CFAP299: variants seen among roughly 807,000 people sequenced by gnomAD.
CFAP299 encodes the protein cilia and flagella associated protein 299.
CFAP299 carries 21 observed loss-of-function variants against 27.0 expected under a neutral mutation model. That is an observed-to-expected ratio of 0.78 (90% CI 0.55 to 1.12). CFAP299 has a LOEUF of 1.12. Ranked by LOEUF, CFAP299 falls within the 50% of genes most tolerant of loss-of-function variation. The pLI, the probability that CFAP299 is intolerant of heterozygous loss-of-function variation, is 0.00. For missense variants in CFAP299, 310 were observed against 276.6 expected (o/e 1.12, Z -0.86); for synonymous variants, 104 against 98.1 (o/e 1.06, Z -0.36).
At chr4:80,809,790 T>C (rs981163991) in intron 3 of CFAP299, among the ~76,000 whole-genome samples, 2 of 152,098 alleles carry the variant, frequency 1.3e-5, no homozygotes, top group Non-Finnish European at 2.9e-5. Flanking sequence ...GTTTCCCCAC[T>C]TTCTCTTCTA....
chr4:80,910,769 T>C (rs767294269), intron 4 of CFAP299, among the ~76,000 whole-genome samples: 2 of 151,968 alleles, frequency 1.3e-5, no homozygotes, highest in Non-Finnish European at 2.9e-5. Context: ...CATTTACCTA[T>C]ATACCAAACC....
At chr4:80,367,042 C>G (rs1330454900) in intron 2 of CFAP299, among the ~76,000 whole-genome samples, 2 of 152,016 alleles carry the variant, frequency 1.3e-5, no homozygotes, top group Non-Finnish European at 1.5e-5. Flanking sequence ...TTTCCAAGGA[C>G]TGGATGGAAG....
chr4:80,888,359 G>T (rs1180614573), intron 4 of CFAP299, among the ~76,000 whole-genome samples: 2 of 151,948 alleles, frequency 1.3e-5, no homozygotes. Flanking sequence ...GAACAAAATA[G>T]ATTTCAAGAA....
At chr4:80,766,643 C>T (rs1725879543) in intron 3 of CFAP299, among the ~76,000 whole-genome samples, 1 of 152,118 alleles carries the variant, frequency 6.6e-6, no homozygotes, top group South Asian at 2.1e-4. Flanking sequence ...CTTTTGACTC[C>T]ACTTCCTTTG....
chr4:80,751,352 G>C (rs1724918458), intron 3 of CFAP299, among the ~76,000 whole-genome samples: 1 of 152,154 alleles, frequency 6.6e-6, no homozygotes, highest in African/African-American at 2.4e-5. Context: ...GGTAGAGCTG[G>C]TGTGCTATGT....
chr4:80,926,031 C>A (rs1216855434), intron 4 of CFAP299, among the ~76,000 whole-genome samples: 1 of 151,980 alleles, frequency 6.6e-6, no homozygotes, highest in Non-Finnish European at 1.5e-5. Context: ...TGTAGTTTCC[C>A]ATGGGAAGTA....
chr4:80,590,045 A>G (rs1438326108), intron 3 of CFAP299, among the ~76,000 whole-genome samples: 1 of 152,212 alleles, frequency 6.6e-6, no homozygotes, highest in East Asian at 1.9e-4. Flanking sequence ...CTGAATGTTC[A>G]TAAACATAAG....
At chr4:80,476,399 G>A (rs1041521345) in intron 2 of CFAP299, among the ~76,000 whole-genome samples, 1 of 152,156 alleles carries the variant, frequency 6.6e-6, no homozygotes, top group Non-Finnish European at 1.5e-5. Context: ...AGTAGTGGCT[G>A]CAGTGGGGAG....
intron 3 of CFAP299, among the ~76,000 whole-genome samples, chr4:80,735,000 A>AT (rs2110058866): frequency 6.6e-6 from 1 of 152,250 alleles, no homozygotes; most frequent in South Asian, 2.1e-4. Context: ...TGTCACTGGT[A>AT]TTTTGATACA....
At chr4:80,759,747 A>C (rs1438931140) in intron 3 of CFAP299, among the ~76,000 whole-genome samples, 3 of 152,192 alleles carry the variant, frequency 2.0e-5, no homozygotes, top group Non-Finnish European at 4.4e-5. Flanking sequence ...ACAGAGACTT[A>C]ATAAAAATAG....
At chr4:80,963,317 A>G (rs1738436206) in intron 5 of CFAP299, among the ~76,000 whole-genome samples, 200 bp from the exon 6 acceptor site, 1 of 152,042 alleles carries the variant, frequency 6.6e-6, no homozygotes, top group South Asian at 2.1e-4. Context: ...ATCACAACCC[A>G]ATCATAATTC....
chr4:80,618,269 G>T (rs1738399983), intron 3 of CFAP299, among the ~76,000 whole-genome samples: 1 of 152,076 alleles, frequency 6.6e-6, no homozygotes, highest in Non-Finnish European at 1.5e-5. Flanking sequence ...AAGAGATACA[G>T]TATAAAGGCA....
intron 4 of CFAP299, among the ~76,000 whole-genome samples, chr4:80,921,723 G>A (rs1736056482): frequency 2.0e-5 from 3 of 152,006 alleles, no homozygotes; most frequent in Admixed American, 1.3e-4. Context: ...TGGAGGCTGT[G>A]CAGAAGTCAG....
At chr4:80,506,025 A>ATAT (rs201836362) in intron 2 of CFAP299, among the ~76,000 whole-genome samples, 4 of 150,328 alleles carry the variant, frequency 2.7e-5, no homozygotes, top group Admixed American at 6.6e-5. Flanking sequence ...TATATATATA[A>ATAT]AAATAATAAC....
chr4:80,847,258 C>T (rs1272820151), intron 3 of CFAP299, among the ~76,000 whole-genome samples: 1 of 152,152 alleles, frequency 6.6e-6, no homozygotes, highest in Non-Finnish European at 1.5e-5. Flanking sequence ...AGGCTCTGGC[C>T]CCAGTGGGAT....
At chr4:80,800,561 A>AT (rs1203085763) in intron 3 of CFAP299, among the ~76,000 whole-genome samples, 1 of 72,808 alleles carries the variant, frequency 1.4e-5, no homozygotes, top group Non-Finnish European at 2.3e-5. Context: ...AATATATTAT[A>AT]TAATATATTA....
intron 2 of CFAP299, among the ~76,000 whole-genome samples, chr4:80,541,041 C>T (rs1560614966): frequency 6.6e-6 from 1 of 152,078 alleles, no homozygotes; most frequent in Non-Finnish European, 1.5e-5. Context: ...TAAAACCTTG[C>T]TACAAAAAGA....
chr4:80,802,565 C>T (rs1490251541), intron 3 of CFAP299, among the ~76,000 whole-genome samples: 1 of 151,974 alleles, frequency 6.6e-6, no homozygotes, highest in African/African-American at 2.4e-5. Flanking sequence ...TTCTTTCTGC[C>T]ATCAAAAAGT....
At chr4:80,492,665 A>T (rs1731197445) in intron 2 of CFAP299, among the ~76,000 whole-genome samples, 1 of 152,200 alleles carries the variant, frequency 6.6e-6, no homozygotes, top group Non-Finnish European at 1.5e-5. Context: ...TACAGGTTTT[A>T]TTATTATTAA....
Sources: allele counts gnomAD v4.1 joint callset (sites outside exome capture counted in the v4.1 genomes callset), GRCh38; gene constraint gnomAD v4.1.1; transcripts MANE v1.5; gene names NCBI Gene and HGNC (gene_info 2026-07-23, HGNC 2026-07-21).